Variants in UNC5A observed in about 807,000 individuals in gnomAD.
UNC5A encodes the protein unc-5 netrin receptor A, also known as netrin receptor UNC5A.
Under a neutral mutation model 87.4 loss-of-function variants are expected in UNC5A, and 20 were observed. The observed-to-expected ratio is 0.23, with a 90% confidence interval of 0.16 to 0.33. The LOEUF is 0.33. Among genes scored for constraint, UNC5A ranks in the 10% least tolerant of loss-of-function variants. UNC5A has a pLI of 1.00. For synonymous variants in UNC5A, 438 were observed against 482.3 expected (o/e 0.91, Z 1.20); for missense variants, 844 against 1,133.4 (o/e 0.74, Z 3.67).
chr5:176,878,240 G>A lies in UNC5A; in HGVS notation c.1870-4G>A. 1 of 1,610,460 alleles carries A rather than the reference G, an allele frequency of 6.2e-7. No homozygotes were observed. ...GCCTGGGCTGACCACCTGGGGCACT[G>A]CAGGAGGTGGTGCAGCTGGAGAAGC... On this transcript the variant is annotated splice_polypyrimidine_tract_variant and splice_region_variant and intron_variant, in intron 11 of 14. Transcript: ENST00000329542.
intron 1 of UNC5A, among the ~76,000 whole-genome samples, chr5:176,847,231 C>T (rs1476617872): frequency 2.0e-5 from 3 of 152,214 alleles, no homozygotes; most frequent in Non-Finnish European, 4.4e-5. Flanking sequence ...GATGAAAATG[C>T]CCCGTTCCCA....
intron 6 of UNC5A, among the ~76,000 whole-genome samples, chr5:176,872,138 C>T (rs1268984297): frequency 9.6e-5 from 11 of 114,030 alleles, no homozygotes; most frequent in African/African-American, 3.0e-4. Context: ...CATCTGCCCA[C>T]ACTCGCCCCA....
At position 176,868,921 on chromosome 5, in the gene UNC5A, C is replaced by T. The variant is rs375167399; in HGVS notation, c.678C>T (p.Ile226=). 6.8e-5 allele frequency: 109 copies of T among 1,611,928 alleles called. No homozygotes were observed. The Middle Eastern group carries it at 8.2e-4, about 12-fold the overall frequency. Residue 226 remains isoleucine, a synonymous_variant, in exon 5 of 15, where the codon ATC becomes ATT. Coordinates refer to ENST00000329542, the MANE Select transcript of UNC5A (RefSeq NM_133369.3). ...ACTACACCTGCGTGGCCAAGAACATCGTGGCACGTCGCCGCAGCGCCTCCG... is the reference window on the plus strand; with the variant it reads ...ACTACACCTGCGTGGCCAAGAACATTGTGGCACGTCGCCGCAGCGCCTCCG... The part of the protein sequence containing the change: ...TANYTCVAKN[I]VARRRSASAA...
chr5:176,841,357 C>T lies in UNC5A; in HGVS notation c.71-21267C>T, dbSNP rs1343849205. On this transcript the variant is annotated intron_variant, in intron 1 of 14. Coordinates refer to ENST00000329542, the MANE Select transcript of UNC5A (RefSeq NM_133369.3). This position sits in a 1 kb window ranked among gnomAD's most constrained non-coding sequence, Gnocchi z 4.1. The stretch of plus-strand genomic sequence containing the variant: ...GCTTCCAGATCAGAGCTGTGCCCAC[C>T]ACCCCAGAGCTGCACCCAGGGCTGA... Among the ~76,000 whole-genome samples the T allele has an allele frequency of 1.3e-5, 2 of 152,198 alleles. No individual in the cohort carries two copies. The highest frequency in any genetic ancestry group is 4.8e-5 in the African/African-American group (2 of 41,446).
chr5:176,815,923 T>C (rs1756576042), intron 1 of UNC5A, among the ~76,000 whole-genome samples: 3 of 152,240 alleles, frequency 2.0e-5, no homozygotes, highest in South Asian at 4.1e-4. Context: ...GATGAAGATT[T>C]GGGCTCAGCT....
chr5:176,826,204 G>T (rs908975782), intron 1 of UNC5A, among the ~76,000 whole-genome samples: 5 of 152,240 alleles, frequency 3.3e-5, no homozygotes, highest in Non-Finnish European at 7.3e-5. Flanking sequence ...GTCGGAGGGG[G>T]CCTGGCTCCC....
intron 1 of UNC5A, among the ~76,000 whole-genome samples, chr5:176,817,577 T>TCCCCCCCCCCCACCC (rs1756623227): frequency 1.7e-5 from 1 of 59,190 alleles, no homozygotes; most frequent in African/African-American, 5.8e-5. Context: ...ACCCCGCCCC[T>TCCCCCCCCCCCACCC]CCCCACCCCC....
chr5:176,860,941 G>C (rs1757822028), intron 1 of UNC5A, among the ~76,000 whole-genome samples: 1 of 152,106 alleles, frequency 6.6e-6, no homozygotes, highest in African/African-American at 2.4e-5. Flanking sequence ...GTGAGAGGAG[G>C]GGCAGGCGCC....
chr5:176,850,163 G>A (rs1757509234), intron 1 of UNC5A, among the ~76,000 whole-genome samples: 1 of 152,212 alleles, frequency 6.6e-6, no homozygotes, highest in Non-Finnish European at 1.5e-5. Flanking sequence ...TGAATGAACA[G>A]GGCTGAGTGC....
rs1393218605 is a variant in UNC5A at position 176,848,152 on chromosome 5, C to T, written c.71-14472C>T. 2.0e-5 allele frequency among the ~76,000 whole-genome samples: 3 copies of T among 152,114 alleles called. No homozygotes were observed. On this transcript the variant is annotated intron_variant, in intron 1 of 14. Coordinates refer to ENST00000329542, the MANE Select transcript of UNC5A (RefSeq NM_133369.3). The surrounding 1 kb of genome is among the most constrained non-coding windows in gnomAD (Gnocchi z 5.8). Reference sequence around the variant, plus strand: ...CAGGCTGGTTTCCTAGAGCACCCCTCCCCGCCTCATTTCCACGTTAGCACC... The same window carrying T: ...CAGGCTGGTTTCCTAGAGCACCCCTTCCCGCCTCATTTCCACGTTAGCACC...
chr5:176,827,601 G>A (rs943376557), intron 1 of UNC5A, among the ~76,000 whole-genome samples: 5 of 152,176 alleles, frequency 3.3e-5, no homozygotes, highest in Middle Eastern at 6.3e-3. Flanking sequence ...TGAATAAGCT[G>A]TTTTGAACAT....
chr5:176,847,642 C>T (rs900009246), intron 1 of UNC5A, among the ~76,000 whole-genome samples: 3 of 151,974 alleles, frequency 2.0e-5, no homozygotes, highest in Non-Finnish European at 4.4e-5. Context: ...TCAATCAGAC[C>T]GATCCCAACT....
intron 9 of UNC5A, 21 bp downstream of exon 9, chr5:176,877,300 GC>G: frequency 6.2e-7 from 1 of 1,602,828 alleles, no homozygotes; most frequent in South Asian, 1.1e-5. Context: ...GGGCCCTGTT[GC>G]CGGGGGTGGG....
rs971988422 is a variant in UNC5A at position 176,844,943 on chromosome 5, C to G, written c.71-17681C>G. On this transcript the variant is annotated intron_variant, in intron 1 of 14. Coordinates refer to ENST00000329542, the MANE Select transcript of UNC5A (RefSeq NM_133369.3). The surrounding 1 kb of genome is among the most constrained non-coding windows in gnomAD (Gnocchi z 4.2). ...GGTGGGTTGGTGGCTCGCAGCTTGCCGGAAAAGCCCCACCTTATCAGAGGG... is the reference window on the plus strand; with the variant it reads ...GGTGGGTTGGTGGCTCGCAGCTTGCGGGAAAAGCCCCACCTTATCAGAGGG... Among the ~76,000 whole-genome samples, 1 of 152,170 alleles carries G rather than the reference C, an allele frequency of 6.6e-6. No homozygotes were observed.
chr5:176,876,488 C>CCCTGG (rs1405177302), intron 8 of UNC5A, among the ~76,000 whole-genome samples: 1 of 152,220 alleles, frequency 6.6e-6, no homozygotes, highest in Non-Finnish European at 1.5e-5. Context: ...TAGAGGGACT[C>CCCTGG]CCTGGCCCCC....
rs1276675098 is a variant in UNC5A at position 176,875,355 on chromosome 5, C to G, written c.1378+789C>G. Among the ~76,000 whole-genome samples the G allele has an allele frequency of 6.6e-6, 1 of 152,150 alleles. No homozygotes were observed. The highest frequency in any genetic ancestry group is 1.9e-4 in the East Asian group (1 of 5,174). On this transcript the variant is annotated intron_variant, in intron 8 of 14. Coordinates refer to ENST00000329542, the MANE Select transcript of UNC5A (RefSeq NM_133369.3). The surrounding 1 kb of genome is among the most constrained non-coding windows in gnomAD (Gnocchi z 5.2). ...CTCCTGGTGCCTAAAACAGAACCGT[C>G]TCCCACCCTCCCCCAGAGCCTCCCC... is the stretch of plus-strand genomic sequence containing the variant.
In UNC5A at chr5:176,862,695, G is replaced by T; in HGVS notation, c.142G>T (p.Val48Leu). Reference sequence around the variant, plus strand: ...CCCGGACCTGCTTCCCCACTTCCTGGTGGAGCCCGAGGATGTGTACATCGT... The same window carrying T: ...CCCGGACCTGCTTCCCCACTTCCTGTTGGAGCCCGAGGATGTGTACATCGT... ...ANPDLLPHFL[V>L]EPEDVYIVKN... The change falls in exon 2 of 15, where the codon GTG becomes TTG. Residue 48 changes from valine (V) to leucine (L), a missense_variant. Physicochemically the swap from Val to Leu is conservative, Grantham distance 32. Coordinates refer to ENST00000329542, the MANE Select transcript of UNC5A (RefSeq NM_133369.3). The T allele has an allele frequency of 6.2e-7, 1 of 1,613,584 alleles. No homozygotes were observed.
intron 1 of UNC5A, among the ~76,000 whole-genome samples, chr5:176,853,480 G>C (rs898139526): frequency 1.5e-4 from 23 of 152,324 alleles, no homozygotes; most frequent in African/African-American, 5.5e-4. Context: ...TCCTGTGTCC[G>C]TCCTTGTGAC....
chr5:176,822,474 G>T lies in UNC5A; in HGVS notation c.70+11654G>T, dbSNP rs1581243946. Among the ~76,000 whole-genome samples, 4 of 152,354 alleles carry T rather than the reference G, an allele frequency of 2.6e-5. 1 individual carries two copies. The highest frequency in any genetic ancestry group is 9.6e-5 in the African/African-American group (4 of 41,590). ...TCATTCTTGGATAATGAGCATTCAT[G>T]AGGGGGCCTGAGAAGGAAGGTTGGC... On this transcript the variant is annotated intron_variant, in intron 1 of 14. Transcript: ENST00000329542.
Sources: gnomAD v4.1 joint callset for allele counts (sites outside exome capture counted in the v4.1 genomes callset) on GRCh38, gnomAD v4.1.1 for gene constraint, Gnocchi (gnomAD v3.1) non-coding constraint, MANE v1.5 for transcripts, NCBI Gene and HGNC (gene_info 2026-07-23, HGNC 2026-07-21) for gene names.